SLC14A2: variants seen among roughly 807,000 people sequenced by gnomAD.
SLC14A2 encodes the protein solute carrier family 14 member 2.
A neutral mutation model predicts 104.6 loss-of-function variants in SLC14A2; 91 were observed. The ratio of observed to expected loss-of-function variants is 0.87; its 90% CI spans 0.73 to 1.04. The LOEUF (loss-of-function observed/expected upper bound fraction) is 1.04, where lower values mean the gene tolerates loss of function less well. Ranked by LOEUF, SLC14A2 falls within the 50% of genes least tolerant of loss-of-function variation. SLC14A2 has a pLI of 0.00. For synonymous variants in SLC14A2, 476 were observed against 466.4 expected (o/e 1.02, Z -0.27); for missense variants, 1,189 against 1,156.0 (o/e 1.03, Z -0.41).
the SLC14A2 span, among the ~76,000 whole-genome samples, chr18:45,200,493 G>A: frequency 1.3e-5 from 2 of 152,154 alleles, no homozygotes; most frequent in African/African-American, 4.8e-5. Flanking sequence ...GTTCTGCTGT[G>A]TGTATAAGTA....
chr18:45,407,409 T>C (rs1360453304), intron 1 of SLC14A2, among the ~76,000 whole-genome samples: 1 of 152,230 alleles, frequency 6.6e-6, no homozygotes, highest in Non-Finnish European at 1.5e-5. Context: ...TAAGGGAATG[T>C]TGTGGCTGGG....
chr18:45,569,111 T>C (rs747537532), intron 2 of SLC14A2, among the ~76,000 whole-genome samples: 1 of 152,236 alleles, frequency 6.6e-6, no homozygotes, highest in Non-Finnish European at 1.5e-5. Flanking sequence ...ATTTCACTAG[T>C]TAGGAGGGCA....
chr18:45,407,544 T>A (rs1235497884), intron 1 of SLC14A2, among the ~76,000 whole-genome samples: 1 of 152,228 alleles, frequency 6.6e-6, no homozygotes, highest in Non-Finnish European at 1.5e-5. Flanking sequence ...TTCCTTTGCA[T>A]TTACAACTTG....
At chr18:45,494,781 T>C (rs2043062368) in intron 2 of SLC14A2, among the ~76,000 whole-genome samples, 1 of 151,932 alleles carries the variant, frequency 6.6e-6, no homozygotes, top group Non-Finnish European at 1.5e-5. Context: ...TCCTATCTCC[T>C]TCACCTCTCT....
chr18:45,372,593 G>T (rs895569703), intron 1 of SLC14A2, among the ~76,000 whole-genome samples: 1 of 152,080 alleles, frequency 6.6e-6, no homozygotes, highest in African/African-American at 2.4e-5. Context: ...TCAAACTTTC[G>T]TGTGCATACA....
At chr18:45,612,542 A>G (rs2044989695), upstream of SLC14A2, among the ~76,000 whole-genome samples, 1 of 152,240 alleles carries the variant, frequency 6.6e-6, no homozygotes, top group Non-Finnish European at 1.5e-5. Flanking sequence ...TAGGCACTGC[A>G]CTAAGCAACT....
intron 2 of SLC14A2, among the ~76,000 whole-genome samples, chr18:45,524,910 G>T (rs2043570471): frequency 1.3e-5 from 2 of 152,154 alleles, no homozygotes; most frequent in African/African-American, 4.8e-5. Flanking sequence ...ACTTTGGTGA[G>T]ATTTCTGGTA....
chr18:45,267,503 C>G (rs529073577), intron 1 of SLC14A2, among the ~76,000 whole-genome samples: 6 of 152,158 alleles, frequency 3.9e-5, no homozygotes, highest in Admixed American at 6.5e-5. Flanking sequence ...TGTGAGCTAG[C>G]CTACACATCA....
intron 2 of SLC14A2, among the ~76,000 whole-genome samples, chr18:45,579,240 G>T (rs1266043143): frequency 6.6e-6 from 1 of 152,192 alleles, no homozygotes; most frequent in African/African-American, 2.4e-5. Flanking sequence ...ATGCTACAAG[G>T]CTCTTTGTAT....
At chr18:45,375,290 C>G (rs1233220938) in intron 1 of SLC14A2, among the ~76,000 whole-genome samples, 1 of 152,222 alleles carries the variant, frequency 6.6e-6, no homozygotes, top group Non-Finnish European at 1.5e-5. Context: ...CAGCTGGAGG[C>G]TAAAAGATTC....
At chr18:45,342,476 C>T (rs139266821) in intron 1 of SLC14A2, among the ~76,000 whole-genome samples, 53 of 152,256 alleles carry the variant, frequency 3.5e-4, no homozygotes, top group African/African-American at 1.2e-3. Flanking sequence ...GACGTGAACA[C>T]GGGCCAGTCC....
chr18:45,232,090 CAG>C (rs1326638259), intron 1 of SLC14A2, among the ~76,000 whole-genome samples: 1 of 151,368 alleles, frequency 6.6e-6, no homozygotes, highest in Non-Finnish European at 1.5e-5. Context: ...GCTATGGGAG[CAG>C]AAAGGGAAGT....
intron 1 of SLC14A2, among the ~76,000 whole-genome samples, chr18:45,477,391 G>A (rs192664792): frequency 5.6e-4 from 85 of 152,238 alleles, no homozygotes; most frequent in African/African-American, 1.9e-3. Context: ...GATGCCAGCC[G>A]GAGCTCTCCT....
intron 1 of SLC14A2, among the ~76,000 whole-genome samples, chr18:45,334,616 A>C (rs1170232004): frequency 1.3e-5 from 2 of 152,358 alleles, no homozygotes; most frequent in East Asian, 1.9e-4. Flanking sequence ...TGTACATTCT[A>C]GATGACCCCT....
At chr18:45,381,128 T>C (rs1880116388) in intron 1 of SLC14A2, among the ~76,000 whole-genome samples, 1 of 152,218 alleles carries the variant, frequency 6.6e-6, no homozygotes, top group Admixed American at 6.5e-5. Context: ...ACCTTTCTGA[T>C]AAACCTCTTC....
At chr18:45,604,564 A>G (rs1484869) in intron 2 of SLC14A2, among the ~76,000 whole-genome samples, 110,922 of 152,100 alleles carry the variant, frequency 0.73, 40,647 homozygotes, top group East Asian at 0.85. Flanking sequence ...CAGAGGATAC[A>G]TATGGGGTCT....
chr18:45,341,595 CTTTT>C (rs376534367), intron 1 of SLC14A2, among the ~76,000 whole-genome samples: 1 of 83,154 alleles, frequency 1.2e-5, no homozygotes, highest in Non-Finnish European at 2.3e-5. Flanking sequence ...TCTAGTATTA[CTTTT>C]TTTTTTTTTT....
chr18:45,229,056 G>A (rs944572305), intron 1 of SLC14A2, among the ~76,000 whole-genome samples: 42 of 152,154 alleles, frequency 2.8e-4, no homozygotes, highest in Admixed American at 1.9e-3. Context: ...AGACTGTTTC[G>A]TTTACCATGT....
At chr18:45,593,186 C>CG (rs1255034829) in intron 2 of SLC14A2, among the ~76,000 whole-genome samples, 1 of 151,752 alleles carries the variant, frequency 6.6e-6, no homozygotes, top group Non-Finnish European at 1.5e-5. Context: ...GGCGTGGTGG[C>CG]GGCGCCTGTA....
Sources: gnomAD v4.1 joint callset for allele counts (sites outside exome capture counted in the v4.1 genomes callset) on GRCh38, gnomAD v4.1.1 for gene constraint, MANE v1.5 for transcripts, NCBI Gene and HGNC (gene_info 2026-07-23, HGNC 2026-07-21) for gene names.